NTNG1: variants seen among roughly 807,000 people sequenced by gnomAD.
The protein encoded by NTNG1 is netrin G1.
NTNG1 carries 16 observed loss-of-function variants against 54.0 expected under a neutral mutation model. The observed-to-expected ratio is 0.30, with a 90% CI of 0.20 to 0.45. The LOEUF (loss-of-function observed/expected upper bound fraction) is 0.45. Among genes scored for constraint, NTNG1 ranks in the 20% least tolerant of loss-of-function variants. The pLI, the probability that NTNG1 is intolerant of heterozygous loss-of-function variation, is 1.00. For missense variants in NTNG1, 530 were observed against 678.7 expected (o/e 0.78, Z 2.43); for synonymous variants, 255 against 263.1 (o/e 0.97, Z 0.30).
At position 107,438,316 on chromosome 1, in the gene NTNG1, A is replaced by G. The variant is rs536558037; in HGVS notation, c.1390+1517A>G. 5.3e-5 allele frequency among the ~76,000 whole-genome samples: 8 copies of G among 152,300 alleles called. No individual in the cohort carries two copies. The East Asian group carries it at 1.5e-3, about 29-fold the overall frequency. On this transcript the variant is annotated intron_variant, in intron 7 of 7. Coordinates refer to ENST00000370068, the MANE Select transcript of NTNG1 (RefSeq NM_001113226.3). Reference sequence around the variant, plus strand: ...GAGAGGAACACTGAAAGACAGTCAAATAGTCAGAAGTCAGGCCTCACACCT... The same window carrying G: ...GAGAGGAACACTGAAAGACAGTCAAGTAGTCAGAAGTCAGGCCTCACACCT...
At chr1:107,167,940 T>G (rs1655930873) in intron 2 of NTNG1, among the ~76,000 whole-genome samples, 2 of 152,084 alleles carry the variant, frequency 1.3e-5, no homozygotes, top group Admixed American at 6.6e-5. Context: ...TGAAAGGCTC[T>G]GCAGAAATAA....
chr1:107,265,728 A>G (rs754888982), intron 2 of NTNG1, among the ~76,000 whole-genome samples: 2 of 152,236 alleles, frequency 1.3e-5, no homozygotes, highest in Non-Finnish European at 2.9e-5. Flanking sequence ...AGTTGTTTTA[A>G]CATATTCAGT....
rs140326180 is a variant in NTNG1 at position 107,447,701 on chromosome 1, G to A, written c.1390+10902G>A. ...TGGTTCAATCAACTATGTTCAATAC[G>A]TCCTTTCAAATACAGCAAATGAGAT... On this transcript the variant is annotated intron_variant, in intron 7 of 7. Coordinates refer to ENST00000370068, the MANE Select transcript of NTNG1 (RefSeq NM_001113226.3). 5.5e-3 allele frequency among the ~76,000 whole-genome samples: 842 copies of A among 152,094 alleles called. 6 individuals are homozygous for A. The highest frequency in any genetic ancestry group is 9.1e-3 in the Non-Finnish European group (618 of 67,952).
At position 107,148,623 on chromosome 1, in the gene NTNG1, T is replaced by C; in HGVS notation, c.30T>C (p.His10=). The change falls in exon 2 of 8, where the codon CAT becomes CAC. Residue 10 remains histidine (H), a synonymous_variant. Coordinates refer to ENST00000370068, the MANE Select transcript of NTNG1 (RefSeq NM_001113226.3). The stretch of plus-strand genomic sequence containing the variant: ...ATTTGTCAAGATTCCTGTCGATTCA[T>C]GCCCTTTGGGTTACGGTGTCCTCAG... MYLSRFLSI[H]ALWVTVSSVM... 9.3e-6 allele frequency: 15 copies of C among 1,613,440 alleles called. No homozygotes were observed. Among genetic ancestry groups the C allele is most frequent in the South Asian group, 6.6e-5 (6 of 91,062 alleles).
At chr1:107,260,277 A>C (rs1663224362) in intron 2 of NTNG1, among the ~76,000 whole-genome samples, 1 of 152,034 alleles carries the variant, frequency 6.6e-6, no homozygotes, top group Admixed American at 6.5e-5. Context: ...GCCAATACAA[A>C]CTCTAAAGAG....
intron 3 of NTNG1, among the ~76,000 whole-genome samples, chr1:107,336,798 A>C (rs1017963842): frequency 3.3e-5 from 5 of 152,034 alleles, no homozygotes; most frequent in African/African-American, 1.2e-4. Context: ...CTAATTAAAA[A>C]ATGAGCAAAG....
chr1:107,415,887 T>C (rs1674164463), intron 5 of NTNG1, among the ~76,000 whole-genome samples: 1 of 152,174 alleles, frequency 6.6e-6, no homozygotes, highest in South Asian at 2.1e-4. Flanking sequence ...AATTTACTTC[T>C]GGGAATTAAA....
At chr1:107,312,554 T>C (rs966054438) in intron 2 of NTNG1, among the ~76,000 whole-genome samples, 2 of 152,120 alleles carry the variant, frequency 1.3e-5, no homozygotes. Flanking sequence ...CTTAGGAAGA[T>C]CTGACCCAGA....
chr1:107,176,917 G>A (rs1656689593), intron 2 of NTNG1, among the ~76,000 whole-genome samples: 1 of 152,142 alleles, frequency 6.6e-6, no homozygotes, highest in Non-Finnish European at 1.5e-5. Context: ...TGGCTATCCT[G>A]TATAGCAGCT....
chr1:107,457,553 A>G (rs1404487422), intron 7 of NTNG1, among the ~76,000 whole-genome samples: 1 of 152,214 alleles, frequency 6.6e-6, no homozygotes, highest in Non-Finnish European at 1.5e-5. Context: ...TATTCATGTA[A>G]TGCTCTAAGA....
chr1:107,295,568 C>T (rs1233491313), intron 2 of NTNG1, among the ~76,000 whole-genome samples: 3 of 151,976 alleles, frequency 2.0e-5, no homozygotes, highest in African/African-American at 2.4e-5. Flanking sequence ...TCTTTGAATT[C>T]GAGTTATGGC....
In NTNG1 at chr1:107,320,661, C is replaced by CT. The variant is rs59983037; in HGVS notation, c.247-3605dup. On this transcript the variant is annotated intron_variant, in intron 2 of 7. Transcript: ENST00000370068. ...GATTTACGGCTTCTTCACCTTTCAT[C>CT]TTTTTTTTTTTTTTTTCCTTTCTCT... Among the ~76,000 whole-genome samples, 778 of 133,068 alleles carry CT rather than the reference C, an allele frequency of 5.8e-3. 6 individuals carry two copies. Among genetic ancestry groups the CT allele is most frequent in the Middle Eastern group, 0.028 (7 of 248 alleles). 87.3% of individuals were successfully genotyped at this position (133,068 alleles called of 152,430 possible). A position where few individuals can be genotyped will look rare whatever the true frequency, so the allele number is the denominator to read the frequency against.
intron 2 of NTNG1, among the ~76,000 whole-genome samples, chr1:107,250,548 T>C (rs1270170497): frequency 1.4e-5 from 2 of 142,854 alleles, no homozygotes; most frequent in Admixed American, 7.4e-5. Flanking sequence ...ATCCCAGAAC[T>C]GAAAGTATAA....
At chr1:107,258,560 G>A (rs186175176) in intron 2 of NTNG1, among the ~76,000 whole-genome samples, 17 of 152,284 alleles carry the variant, frequency 1.1e-4, no homozygotes, top group Non-Finnish European at 1.9e-4. Context: ...ATTCTTCCAT[G>A]TATTAATTTC....
At chr1:107,295,923 C>T (rs951164597) in intron 2 of NTNG1, among the ~76,000 whole-genome samples, 3 of 152,076 alleles carry the variant, frequency 2.0e-5, no homozygotes, top group African/African-American at 7.2e-5. Flanking sequence ...TCCCTGTTGA[C>T]CACTTTCAGT....
chr1:107,216,838 C>T (rs890900412), intron 2 of NTNG1, among the ~76,000 whole-genome samples: 2 of 152,152 alleles, frequency 1.3e-5, no homozygotes, highest in Admixed American at 1.3e-4. Context: ...CCACCACGAC[C>T]AGCTTAATTT....
intron 2 of NTNG1, among the ~76,000 whole-genome samples, chr1:107,161,939 G>GA (rs5776880): frequency 0.25 from 36,733 of 146,936 alleles, 4,750 homozygotes; most frequent in South Asian, 0.3. Context: ...CCATCCTGGA[G>GA]AAAAAAAAAA....
At chr1:107,257,571 C>T (rs1020874917) in intron 2 of NTNG1, among the ~76,000 whole-genome samples, 10 of 152,242 alleles carry the variant, frequency 6.6e-5, no homozygotes, top group Non-Finnish European at 1.0e-4. Flanking sequence ...TGCTACACAG[C>T]GGCTCCAGTC....
At chr1:107,376,076 A>G (rs1232161902) in intron 3 of NTNG1, among the ~76,000 whole-genome samples, 1 of 152,244 alleles carries the variant, frequency 6.6e-6, no homozygotes, top group East Asian at 1.9e-4. Flanking sequence ...AGGAACTCCT[A>G]TAAGCACTTT....
Sources: gnomAD v4.1 joint callset for allele counts (sites outside exome capture counted in the v4.1 genomes callset) on GRCh38, gnomAD v4.1.1 for gene constraint, MANE v1.5 for transcripts, NCBI Gene and HGNC (gene_info 2026-07-23, HGNC 2026-07-21) for gene names.